Variants in KCNH8 observed in about 807,000 individuals in gnomAD.
KCNH8 encodes the protein voltage-gated delayed rectifier potassium channel KCNH8.
In KCNH8, 70 loss-of-function variants were observed where a neutral mutation model predicts 103.6. The observed-to-expected ratio is 0.68, with a 90% CI of 0.56 to 0.82. The LOEUF (loss-of-function observed/expected upper bound fraction) is 0.82. KCNH8 is among the 40% of genes least tolerant of loss of function. The pLI, the probability that KCNH8 is intolerant of heterozygous loss-of-function variation, is 0.00. For missense variants in KCNH8, 1,217 were observed against 1,329.9 expected (o/e 0.92, Z 1.32); for synonymous variants, 498 against 489.4 (o/e 1.02, Z -0.23).
chr3:19,469,042 T>C (rs904444836), intron 11 of KCNH8, among the ~76,000 whole-genome samples: 1 of 152,252 alleles, frequency 6.6e-6, no homozygotes, highest in Non-Finnish European at 1.5e-5. Flanking sequence ...TTAATAATTT[T>C]TTAAATCATA....
chr3:19,395,139 CTTGCGTCTT>C lies in KCNH8; in HGVS notation c.1014_1022del (p.Arg340_Leu342del). The C allele has an allele frequency of 6.2e-7, 1 of 1,611,918 alleles. No individual in the cohort carries two copies. The highest frequency in any genetic ancestry group is 1.7e-5 in the Admixed American group (1 of 59,834). ...TGCATCTTCTAAAGACAGTGCGCCT[CTTGCGTCTT>C]TTGCGTCTGCTGCAGAAGTTAGACC... On this transcript the variant is annotated inframe_deletion, in exon 7 of 16. Transcript: ENST00000328405.
At chr3:19,527,309 T>C (rs1164877841) in intron 15 of KCNH8, among the ~76,000 whole-genome samples, 2 of 152,032 alleles carry the variant, frequency 1.3e-5, no homozygotes, top group African/African-American at 4.8e-5. Context: ...GAGATAACGG[T>C]AGTTTCTATT....
At chr3:19,510,594 G>A (rs1403550639) in intron 12 of KCNH8, among the ~76,000 whole-genome samples, 193 bp downstream of exon 12, 1 of 152,144 alleles carries the variant, frequency 6.6e-6, no homozygotes, top group Non-Finnish European at 1.5e-5. Flanking sequence ...AGTTCTATGG[G>A]AGCATTTTAT....
rs2063560866 is a variant in KCNH8, at chr3:19,192,306, T to C, written c.76+43511T>C. On this transcript the variant is annotated intron_variant, in intron 1 of 15. Transcript: ENST00000328405. ...CCTACTTTGATAGAATGTACTCATG[T>C]TTGTTTTCATTTTTTGAGGTAGCAA... Among the ~76,000 whole-genome samples the C allele has an allele frequency of 1.3e-5, 2 of 151,728 alleles. 1 individual carries two copies. Among genetic ancestry groups the C allele is most frequent in the South Asian group, 4.1e-4 (2 of 4,830 alleles).
chr3:19,309,290 A>G (rs1204446246), intron 3 of KCNH8, among the ~76,000 whole-genome samples: 1 of 151,956 alleles, frequency 6.6e-6, no homozygotes, highest in Non-Finnish European at 1.5e-5. Flanking sequence ...ATGCTAGTTA[A>G]CTTCCATTTT....
At chr3:19,180,783 A>G (rs1295041197) in intron 1 of KCNH8, among the ~76,000 whole-genome samples, 2 of 152,164 alleles carry the variant, frequency 1.3e-5, no homozygotes, top group Non-Finnish European at 2.9e-5. Flanking sequence ...CTCTTTGTAA[A>G]ATATTCTGTG....
At chr3:19,247,153 A>G (rs1301969707) in intron 1 of KCNH8, among the ~76,000 whole-genome samples, 2 of 152,212 alleles carry the variant, frequency 1.3e-5, no homozygotes, top group Non-Finnish European at 2.9e-5. Flanking sequence ...TATAAATTAC[A>G]AGGACTATGA....
At chr3:19,369,894 G>T (rs951096300) in intron 5 of KCNH8, among the ~76,000 whole-genome samples, 1 of 151,922 alleles carries the variant, frequency 6.6e-6, no homozygotes. Flanking sequence ...GCTCTGTCTA[G>T]ACTACTACAA....
chr3:19,232,532 T>C (rs1424976352), intron 1 of KCNH8, among the ~76,000 whole-genome samples: 1 of 152,238 alleles, frequency 6.6e-6, no homozygotes, highest in Non-Finnish European at 1.5e-5. Context: ...GGAATTAGCC[T>C]ATAGGATGCT....
chr3:19,226,014 T>A (rs1443437178), intron 1 of KCNH8, among the ~76,000 whole-genome samples: 1 of 152,230 alleles, frequency 6.6e-6, no homozygotes, highest in Non-Finnish European at 1.5e-5. Flanking sequence ...ACTGAAAATA[T>A]GTATTTTGAA....
At chr3:19,451,040 G>C in intron 9 of KCNH8, 115 bp from the exon 10 acceptor site, 1 of 964,864 alleles carries the variant, frequency 1.0e-6, no homozygotes. Flanking sequence ...TCTTCTGTAT[G>C]CTGGATGGCC....
intron 11 of KCNH8, among the ~76,000 whole-genome samples, chr3:19,467,414 T>A (rs530990480): frequency 2.2e-4 from 34 of 152,294 alleles, no homozygotes; most frequent in African/African-American, 7.9e-4. Context: ...CTGATTGCTT[T>A]CTCTGTGATA....
chr3:19,166,136 T>C (rs2063281143), intron 1 of KCNH8, among the ~76,000 whole-genome samples: 1 of 152,194 alleles, frequency 6.6e-6, no homozygotes, highest in African/African-American at 2.4e-5. Flanking sequence ...ATATTTGCCT[T>C]ATTATTGTTA....
chr3:19,228,869 T>G (rs1170145322), intron 1 of KCNH8, among the ~76,000 whole-genome samples: 2 of 152,226 alleles, frequency 1.3e-5, no homozygotes, highest in Non-Finnish European at 2.9e-5. Context: ...ACACCTACTA[T>G]GTGCTGTGCA....
At chr3:19,310,937 A>G (rs2065199741) in intron 3 of KCNH8, among the ~76,000 whole-genome samples, 1 of 151,914 alleles carries the variant, frequency 6.6e-6, no homozygotes, top group East Asian at 1.9e-4. Context: ...ACCCTGTTAC[A>G]TTTTTCCTCT....
chr3:19,182,578 G>A (rs1182413594), intron 1 of KCNH8, among the ~76,000 whole-genome samples: 1 of 152,186 alleles, frequency 6.6e-6, no homozygotes, highest in Non-Finnish European at 1.5e-5. Context: ...CAAGCTTTCA[G>A]CTTTTTTTCC....
At position 19,239,678 on chromosome 3, in the gene KCNH8, C is replaced by CTATCTATCTATCTATG. The variant is rs1331290383; in HGVS notation, c.77-13970_77-13969insTCTATCTATGTATCTA. Among the ~76,000 whole-genome samples, 576 of 151,714 alleles carry CTATCTATCTATCTATG rather than the reference C, an allele frequency of 3.8e-3. 2 individuals carry two copies. Among genetic ancestry groups the CTATCTATCTATCTATG allele is most frequent in the African/African-American group, 0.013 (518 of 41,256 alleles). ...TCTATCTATCTATCTATCTATCTAT[C>CTATCTATCTATCTATG]TATCTACCTACCTACCTATCTATCT... On this transcript the variant is annotated intron_variant, in intron 1 of 15. Coordinates refer to ENST00000328405, the MANE Select transcript of KCNH8 (RefSeq NM_144633.3).
chr3:19,456,229 A>C (rs970059361), intron 10 of KCNH8, among the ~76,000 whole-genome samples: 2 of 152,052 alleles, frequency 1.3e-5, no homozygotes, highest in African/African-American at 4.8e-5. Context: ...GTAATCTAAT[A>C]ATTTTAAAAC....
At chr3:19,361,881 G>A (rs1439103279) in intron 5 of KCNH8, among the ~76,000 whole-genome samples, 2 of 151,976 alleles carry the variant, frequency 1.3e-5, no homozygotes. Context: ...GACATAATTA[G>A]GGCAGGTATA....
Sources: allele counts gnomAD v4.1 joint callset (sites outside exome capture counted in the v4.1 genomes callset), GRCh38; gene constraint gnomAD v4.1.1; transcripts MANE v1.5; gene names NCBI Gene and HGNC (gene_info 2026-07-23, HGNC 2026-07-21).